Variants in EPHA7 observed in about 807,000 individuals in gnomAD.
EPHA7 encodes EPH receptor A7.
In EPHA7, 25 loss-of-function variants were observed where a neutral mutation model predicts 112.6. That is an observed-to-expected ratio of 0.22 (90% CI 0.16 to 0.31). The LOEUF (loss-of-function observed/expected upper bound fraction) is 0.31, where lower values mean the gene tolerates loss of function less well. Among genes scored for constraint, EPHA7 ranks in the 10% least tolerant of loss-of-function variants. The probability of loss-of-function intolerance (pLI) is 1.00; values close to 1 mark genes in which losing one functional copy is unlikely to be tolerated. For missense variants in EPHA7, 962 were observed against 1,212.6 expected (o/e 0.79, Z 3.07); for synonymous variants, 437 against 406.5 (o/e 1.07, Z -0.90).
chr6:93,311,692 T>C (rs1395038332), intron 5 of EPHA7, among the ~76,000 whole-genome samples: 19 of 152,176 alleles, frequency 1.2e-4, no homozygotes. Context: ...ACGTCCTTAA[T>C]GGCATACGGA....
intron 5 of EPHA7, among the ~76,000 whole-genome samples, chr6:93,282,642 G>C (rs1229954251): frequency 6.6e-6 from 1 of 152,170 alleles, no homozygotes; most frequent in Non-Finnish European, 1.5e-5. Context: ...GCGGGGAGGT[G>C]TGGAGGGAGA....
intron 9 of EPHA7, chr6:93,260,911 T>G: frequency 5.3e-6 from 1 of 188,706 alleles, no homozygotes; most frequent in Non-Finnish European, 9.8e-6. Flanking sequence ...GTTAACCTCC[T>G]AGATTGGCAG....
At chr6:93,248,941 T>C (rs422834) in intron 14 of EPHA7, among the ~76,000 whole-genome samples, 98,058 of 151,750 alleles carry the variant, frequency 0.65, 32,725 homozygotes, top group South Asian at 0.83. Flanking sequence ...TTATATATCT[T>C]TCTCTATATA....
At chr6:93,361,938 A>C (rs1776281148) in intron 3 of EPHA7, among the ~76,000 whole-genome samples, 1 of 152,088 alleles carries the variant, frequency 6.6e-6, no homozygotes, top group Non-Finnish European at 1.5e-5. Context: ...TGCTTTTCTA[A>C]CTGAACATTC....
intron 5 of EPHA7, among the ~76,000 whole-genome samples, chr6:93,354,355 AG>A (rs1367372764): frequency 6.6e-6 from 1 of 152,090 alleles, no homozygotes; most frequent in African/African-American, 2.4e-5. Flanking sequence ...CATGAGTTTT[AG>A]CATTTGAGAT....
At chr6:93,409,385 C>G (rs1272325785) in intron 3 of EPHA7, among the ~76,000 whole-genome samples, 1 of 151,866 alleles carries the variant, frequency 6.6e-6, no homozygotes, top group African/African-American at 2.4e-5. Flanking sequence ...TTGATATCCT[C>G]TATTTTTTTA....
At chr6:93,357,655 C>CT (rs11388617) in intron 4 of EPHA7, among the ~76,000 whole-genome samples, 67,565 of 144,480 alleles carry the variant, frequency 0.47, 16,637 homozygotes, top group African/African-American at 0.65. Flanking sequence ...ACCCTAATAA[C>CT]TTTTTTTTTT....
At chr6:93,413,430 A>G (rs112036780) in intron 2 of EPHA7, among the ~76,000 whole-genome samples, 135 of 152,052 alleles carry the variant, frequency 8.9e-4, no homozygotes, top group African/African-American at 3.1e-3. Flanking sequence ...AGATAAAACC[A>G]TCCTCTATCT....
chr6:93,245,178 A>AT (rs368394781), intron 16 of EPHA7, 120 bp downstream of exon 16: 173 of 958,208 alleles, frequency 1.8e-4, no homozygotes, highest in Non-Finnish European at 2.2e-4. Flanking sequence ...TTAAAGAAGT[A>AT]TTTTTTTTAT....
intron 3 of EPHA7, among the ~76,000 whole-genome samples, chr6:93,378,436 A>G (rs950815661): frequency 2.6e-5 from 4 of 152,210 alleles, no homozygotes; most frequent in African/African-American, 9.6e-5. Flanking sequence ...ATGACATGTA[A>G]GAAGATGACG....
At chr6:93,330,422 G>T (rs895699126) in intron 5 of EPHA7, among the ~76,000 whole-genome samples, 2 of 151,208 alleles carry the variant, frequency 1.3e-5, no homozygotes, top group Non-Finnish European at 3.0e-5. Flanking sequence ...GTTTGTGTAT[G>T]TGAACCAACC....
At chr6:93,251,726 A>G (rs1770225238) in intron 14 of EPHA7, among the ~76,000 whole-genome samples, 1 of 151,988 alleles carries the variant, frequency 6.6e-6, no homozygotes, top group Admixed American at 6.6e-5. Flanking sequence ...GGCTGCTGTG[A>G]AAACCAAAAG....
intron 2 of EPHA7, among the ~76,000 whole-genome samples, chr6:93,412,359 A>C (rs1444280925): frequency 2.0e-5 from 3 of 152,140 alleles, no homozygotes; most frequent in Non-Finnish European, 4.4e-5. Flanking sequence ...GTATTGATTT[A>C]TTTAAATGTT....
intron 3 of EPHA7, among the ~76,000 whole-genome samples, chr6:93,389,082 G>A (rs1310337371): frequency 6.6e-6 from 1 of 152,004 alleles, no homozygotes; most frequent in African/African-American, 2.4e-5. Flanking sequence ...ATAGATTTTG[G>A]AGATATTTGG....
intron 5 of EPHA7, among the ~76,000 whole-genome samples, chr6:93,336,527 C>T (rs764106400): frequency 1.3e-5 from 2 of 152,068 alleles, no homozygotes; most frequent in Non-Finnish European, 2.9e-5. Context: ...CTCAGCCTCC[C>T]GAGTAGCTGG....
chr6:93,299,947 G>A (rs1772889053), intron 5 of EPHA7, among the ~76,000 whole-genome samples: 1 of 152,048 alleles, frequency 6.6e-6, no homozygotes, highest in African/African-American at 2.4e-5. Flanking sequence ...CACAAATAGG[G>A]GAACAGAAGA....
chr6:93,279,582 G>C (rs1217450072), intron 5 of EPHA7, among the ~76,000 whole-genome samples: 1 of 152,052 alleles, frequency 6.6e-6, no homozygotes, highest in African/African-American at 2.4e-5. Context: ...TCCTTTAGAG[G>C]TTTTGCTTTA....
intron 5 of EPHA7, among the ~76,000 whole-genome samples, chr6:93,308,387 C>T (rs575461084): frequency 1.3e-5 from 2 of 151,924 alleles, no homozygotes; most frequent in East Asian, 3.9e-4. Context: ...AGAAGCACTA[C>T]TTTATTTATT....
intron 5 of EPHA7, among the ~76,000 whole-genome samples, chr6:93,336,205 A>C (rs1162472557): frequency 6.6e-6 from 1 of 152,208 alleles, no homozygotes; most frequent in African/African-American, 2.4e-5. Context: ...TTATATTTTA[A>C]GGTTGCCCAA....
Sources: gnomAD v4.1 joint callset for allele counts (sites outside exome capture counted in the v4.1 genomes callset) on GRCh38, gnomAD v4.1.1 for gene constraint, MANE v1.5 for transcripts, NCBI Gene and HGNC (gene_info 2026-07-23, HGNC 2026-07-21) for gene names.